Variants in CUL9 observed in about 807,000 individuals in gnomAD.
CUL9 encodes the protein cullin-9.
CUL9 carries 79 observed loss-of-function variants against 272.6 expected under a neutral mutation model. That is an observed-to-expected ratio of 0.29 (90% CI 0.24 to 0.35). CUL9 has a LOEUF of 0.35. Among genes scored for constraint, CUL9 ranks in the 10% least tolerant of loss-of-function variants. The pLI is 1.00. For missense variants in CUL9, 2,532 were observed against 3,255.6 expected (o/e 0.78, Z 5.41); for synonymous variants, 1,186 against 1,286.5 (o/e 0.92, Z 1.67).
intron 9 of CUL9, 73 bp downstream of exon 9, chr6:43,193,281 G>T: frequency 7.3e-7 from 1 of 1,374,202 alleles, no homozygotes; most frequent in Non-Finnish European, 1.0e-6. Context: ...ATCTTGAGGG[G>T]GTACTTTGGT....
chr6:43,184,777 G>A lies in CUL9; in HGVS notation c.467G>A (p.Gly156Glu), dbSNP rs1772759638. Residue 156 changes from glycine to glutamate, a missense_variant, in exon 2 of 41, where the codon GGG becomes GAG. Coordinates refer to ENST00000252050, the MANE Select transcript of CUL9 (RefSeq NM_015089.4). This position sits in a 1 kb window ranked among gnomAD's most constrained non-coding sequence, Gnocchi z 4.8. ...GTGCTCAGTGCCTACGCCAGCATCG[G>A]GCCCCTCACTGGTGTCTTCAGGGAG... Reference protein sequence around the residue: ...IHVLSAYASIGPLTGVFRETG... With the variant: ...IHVLSAYASIEPLTGVFRETG... 1 of 1,614,164 alleles carries A rather than the reference G, an allele frequency of 6.2e-7. No individual in the cohort carries two copies. Among genetic ancestry groups the A allele is most frequent in the Non-Finnish European group, 8.5e-7 (1 of 1,180,046 alleles).
chr6:43,200,267 C>T lies in CUL9; in HGVS notation c.3384+111C>T. The T allele has an allele frequency of 6.9e-7, 1 of 1,444,184 alleles. No homozygotes were observed. Among genetic ancestry groups the T allele is most frequent in the Non-Finnish European group, 9.5e-7 (1 of 1,050,874 alleles). 89.5% of individuals were successfully genotyped at this position (1,444,184 alleles called of 1,614,324 possible). On this transcript the variant is annotated intron_variant, in intron 14 of 40. Coordinates refer to ENST00000252050, the MANE Select transcript of CUL9 (RefSeq NM_015089.4). The surrounding 1 kb of genome is among the most constrained non-coding windows in gnomAD (Gnocchi z 4.0). Reference sequence around the variant, plus strand: ...CTGTTTGGCACAGGTTGTAGCAAATCTGGGGCACTTGTTTCCTAACCTTGA... The same window carrying T: ...CTGTTTGGCACAGGTTGTAGCAAATTTGGGGCACTTGTTTCCTAACCTTGA...
At position 43,206,205 on chromosome 6, in the gene CUL9, T is replaced by G. The variant is rs1775033783; in HGVS notation, c.4992T>G (p.Asp1664Glu). 2 of 1,611,540 alleles carry G rather than the reference T, an allele frequency of 1.2e-6. No individual in the cohort carries two copies. Among genetic ancestry groups the G allele is most frequent in the Non-Finnish European group, 1.7e-6 (2 of 1,179,052 alleles). ...ACAAGTTGTTCTTGGAGCAGGAAGA[T>G]GAGGAGGAAAAGAGACTAGAGGAAG... is the stretch of plus-strand genomic sequence containing the variant. ...RLDKLFLEQE[D>E]EEEKRLEEEE... The change falls in exon 25 of 41, where the codon GAT becomes GAG. Residue 1664 changes from aspartate (D) to glutamate (E), a missense_variant. This residue lies in a region of CUL9 where 2,218 missense variants were observed against 2,788.6 expected (regional missense o/e 0.80). Coordinates refer to ENST00000252050, the MANE Select transcript of CUL9 (RefSeq NM_015089.4). The surrounding 1 kb of genome is among the most constrained non-coding windows in gnomAD (Gnocchi z 4.8).
chr6:43,201,369 T>G (rs1774521366), intron 16 of CUL9, among the ~76,000 whole-genome samples: 1 of 152,182 alleles, frequency 6.6e-6, no homozygotes, highest in South Asian at 2.1e-4. Flanking sequence ...GGGGGCAATA[T>G]TCTAGGCATA....
At chr6:43,216,614 A>T (rs1775958791) in intron 31 of CUL9, 111 bp downstream of exon 31, 1 of 1,001,236 alleles carries the variant, frequency 1.0e-6, no homozygotes, top group African/African-American at 1.6e-5. Context: ...TCACCTGGGC[A>T]ATAGTGGATT....
rs1774467986 is a variant in CUL9 at position 43,200,897 on chromosome 6, T to C, written c.3647+63T>C. On this transcript the variant is annotated intron_variant, in intron 16 of 40. Coordinates refer to ENST00000252050, the MANE Select transcript of CUL9 (RefSeq NM_015089.4). This position sits in a 1 kb window ranked among gnomAD's most constrained non-coding sequence, Gnocchi z 4.0. Reference sequence around the variant, plus strand: ...AGGATACTTCCCCAAAGCACCCAGATACACACAACCCCAGCTATAACCCCA... The same window carrying C: ...AGGATACTTCCCCAAAGCACCCAGACACACACAACCCCAGCTATAACCCCA... 6.3e-7 allele frequency: 1 copy of C among 1,596,964 alleles called. No individual in the cohort carries two copies. The highest frequency in any genetic ancestry group is 8.6e-7 in the Non-Finnish European group (1 of 1,166,384).
intron 29 of CUL9, 23 bp from the exon 30 acceptor site, chr6:43,215,056 C>T: frequency 6.4e-7 from 1 of 1,572,040 alleles, no homozygotes. Context: ...AAGTGGACTT[C>T]TTGTTTCTTT....
intron 23 of CUL9, 69 bp downstream of exon 23, chr6:43,205,184 T>G (rs1774950721): frequency 6.3e-7 from 1 of 1,585,790 alleles, no homozygotes; most frequent in African/African-American, 1.3e-5. Context: ...TGCTCTGCCC[T>G]TTCACCTCCT....
At position 43,184,445 on chromosome 6, in the gene CUL9, G is replaced by A; in HGVS notation, c.135G>A (p.Leu45=). The change falls in exon 2 of 41, where the codon CTG becomes CTA. Residue 45 remains leucine (L), a synonymous_variant. Coordinates refer to ENST00000252050, the MANE Select transcript of CUL9 (RefSeq NM_015089.4). The surrounding 1 kb of genome is among the most constrained non-coding windows in gnomAD (Gnocchi z 4.8). ...HPEYLIRWSV[L]KCGEVGKVGV... ...AATACCTGATCCGATGGAGTGTCCT[G>A]AAGTGTGGGGAAGTGGGCAAAGTGG... 6.2e-7 allele frequency: 1 copy of A among 1,613,914 alleles called. No homozygotes were observed. Among genetic ancestry groups the A allele is most frequent in the Non-Finnish European group, 8.5e-7 (1 of 1,179,926 alleles).
Position 43,196,107 on chromosome 6 carries a change from C to T in CUL9, c.2427C>T (p.Ile809=), listed in dbSNP as rs768871305. 1 of 1,613,884 alleles carries T rather than the reference C, an allele frequency of 6.2e-7. No individual in the cohort carries two copies. The highest frequency in any genetic ancestry group is 1.3e-5 in the African/African-American group (1 of 74,914). Residue 809 remains isoleucine, a synonymous_variant, in exon 10 of 41, where the codon ATC becomes ATT. Coordinates refer to ENST00000252050, the MANE Select transcript of CUL9 (RefSeq NM_015089.4). ...KMLAVASSSE[I]PTFVTGRDSI... ...TGGCCGTCGCCAGCTCCTCGGAGAT[C>T]CCCACTTTTGTTACTGGCCGAGATT...
At chr6:43,194,778 GA>G (rs1477561918) in intron 9 of CUL9, among the ~76,000 whole-genome samples, 4 of 152,142 alleles carry the variant, frequency 2.6e-5, no homozygotes, top group Non-Finnish European at 5.9e-5. Flanking sequence ...AAAAATGGCT[GA>G]GTGTGGTGGC....
chr6:43,223,014 A>AG lies in CUL9; in HGVS notation c.7150+118_7150+119insG. ...CCTTCCCTCTCTCCTCTTCCTCTTC[A>AG]TTCTTCATGGCCTTCTCACTGCCTG... On this transcript the variant is annotated intron_variant, in intron 38 of 40. Transcript: ENST00000252050. This position sits in a 1 kb window ranked among gnomAD's most constrained non-coding sequence, Gnocchi z 4.1. 2 of 952,904 alleles carry AG rather than the reference A, an allele frequency of 2.1e-6. No homozygotes were observed. Among genetic ancestry groups the AG allele is most frequent in the Non-Finnish European group, 3.2e-6 (2 of 618,336 alleles). 59.0% of individuals were successfully genotyped at this position (952,904 alleles called of 1,614,324 possible).
chr6:43,211,604 A>C (rs1308647686), intron 26 of CUL9, among the ~76,000 whole-genome samples: 1 of 152,134 alleles, frequency 6.6e-6, no homozygotes, highest in Non-Finnish European at 1.5e-5. Flanking sequence ...TTTGGTGGAA[A>C]ACCCTACCAG....
At chr6:43,216,119 G>A (rs1488789289) in intron 30 of CUL9, 39 bp from the exon 31 acceptor site, 5 of 1,565,060 alleles carry the variant, frequency 3.2e-6, no homozygotes, top group Non-Finnish European at 8.7e-7. Flanking sequence ...TGGATAGCAG[G>A]GCAGGAATAC....
chr6:43,193,263 G>T (rs1773689852), intron 9 of CUL9, 55 bp downstream of exon 9: 1 of 1,538,214 alleles, frequency 6.5e-7, no homozygotes, highest in South Asian at 1.1e-5. Flanking sequence ...GCAGACTGGG[G>T]ACTACTGATC....
rs1214232453 is a variant in CUL9, at chr6:43,223,799, C to T, written c.7285-296C>T. 1.9e-6 allele frequency: 1 copy of T among 526,090 alleles called. No individual in the cohort carries two copies. Among genetic ancestry groups the T allele is most frequent in the South Asian group, 2.1e-5 (1 of 47,022 alleles). 32.6% of individuals were successfully genotyped at this position (526,090 alleles called of 1,614,324 possible). Reference sequence around the variant, plus strand: ...CAGCTCTAATGCACTGATGCTGAGTCTAAACTGTGAGTCCTGTCCTCAGGT... The same window carrying T: ...CAGCTCTAATGCACTGATGCTGAGTTTAAACTGTGAGTCCTGTCCTCAGGT... On this transcript the variant is annotated intron_variant, in intron 39 of 40. Transcript: ENST00000252050. This position sits in a 1 kb window ranked among gnomAD's most constrained non-coding sequence, Gnocchi z 4.1.
At chr6:43,203,000 G>A (rs928514839) in intron 17 of CUL9, 109 bp from the exon 18 acceptor site, 8 of 1,309,334 alleles carry the variant, frequency 6.1e-6, no homozygotes, top group South Asian at 4.8e-5. Flanking sequence ...TAGGCTCTGC[G>A]GGAGAAGTGA....
At position 43,206,402 on chromosome 6, in the gene CUL9, C is replaced by A; in HGVS notation, c.5104C>A (p.Pro1702Thr). 6.2e-7 allele frequency: 1 copy of A among 1,614,184 alleles called. No individual in the cohort carries two copies. Among genetic ancestry groups the A allele is most frequent in the Non-Finnish European group, 8.5e-7 (1 of 1,180,024 alleles). Residue 1702 changes from proline to threonine, a missense_variant, in exon 26 of 41, where the codon CCA (proline) becomes ACA (threonine). Pro to Thr is a conservative substitution (Grantham distance 38, BLOSUM62 -1). Coordinates refer to ENST00000252050, the MANE Select transcript of CUL9 (RefSeq NM_015089.4). The surrounding 1 kb of genome is among the most constrained non-coding windows in gnomAD (Gnocchi z 4.8). Reference protein sequence around the residue: ...SPAISILVLSPRCWPVSPLCY... With the variant: ...SPAISILVLSTRCWPVSPLCY... ...AGCCATTTCTATACTGGTCCTGTCA[C>A]CACGCTGCTGGCCCGTCTCCCCACT...
intron 11 of CUL9, among the ~76,000 whole-genome samples, chr6:43,197,387 A>G (rs1268031135): frequency 1.3e-5 from 2 of 151,940 alleles, no homozygotes; most frequent in Admixed American, 6.6e-5. Context: ...ATGTGGATTC[A>G]TATCCATCTG....
Sources: allele counts gnomAD v4.1 joint callset (sites outside exome capture counted in the v4.1 genomes callset), GRCh38; gene constraint gnomAD v4.1.1; regional missense constraint gnomAD v4.1.1; non-coding constraint Gnocchi (gnomAD v3.1); transcripts MANE v1.5; gene names NCBI Gene and HGNC (gene_info 2026-07-23, HGNC 2026-07-21).